PPEF1: variants seen among roughly 807,000 people sequenced by gnomAD.
PPEF1 encodes protein phosphatase with EF-hand domain 1.
PPEF1 carries 12 observed loss-of-function variants against 53.3 expected under a neutral mutation model. That is an observed-to-expected ratio of 0.23 (90% confidence interval 0.14 to 0.36). The LOEUF is 0.36. Among genes scored for constraint, PPEF1 ranks in the 10% least tolerant of loss-of-function variants. The pLI, the probability that PPEF1 is intolerant of heterozygous loss-of-function variation, is 1.00. For synonymous variants in PPEF1, 165 were observed against 176.7 expected, an observed-to-expected ratio of 0.93 and a Z score of 0.52; for missense variants, 334 against 490.4, an observed-to-expected ratio of 0.68 and a Z score of 3.01.
At chrX:18,755,568 C>A (rs760792191) in intron 4 of PPEF1, among the ~76,000 whole-genome samples, 1 of 110,787 alleles carries the variant, frequency 9.0e-6, no homozygotes, top group South Asian at 3.8e-4. Flanking sequence ...CTCCATCCCC[C>A]CCAGCCCCCA....
chrX:18,695,131 A>G (rs1929640675), intron 4 of PPEF1, among the ~76,000 whole-genome samples: 1 of 111,959 alleles, frequency 8.9e-6, no homozygotes, highest in African/African-American at 3.3e-5. Flanking sequence ...TTGACTGGGG[A>G]GGGATCCACT....
rs143661326 is a variant in PPEF1 at position 18,752,567 on chromosome X, G to C, written c.396+2615G>C. On this transcript the variant is annotated intron_variant, in intron 4 of 15. Coordinates refer to ENST00000470157, the MANE Select transcript of PPEF1 (RefSeq NM_001377996.1). ...GTGTGAAAGTAGGCATGTTTATCTT[G>C]TTCCTCATCGTAGGGGGAAAGCTTT... Among the ~76,000 whole-genome samples the C allele has an allele frequency of 6.1e-3, 678 of 111,095 alleles. 8 individuals carry two copies. The highest frequency in any genetic ancestry group is 0.018 in the African/African-American group (560 of 30,647).
At chrX:18,684,761 G>A (rs1443922378) in exon 2 of PPEF1, among the ~76,000 whole-genome samples, 1 of 110,538 alleles carries the variant, frequency 9.0e-6, no homozygotes, top group African/African-American at 3.3e-5. Flanking sequence ...CAAGTAGCTG[G>A]GATTCCAGGT....
chrX:18,744,023 T>G (rs2045266123), intron 3 of PPEF1, among the ~76,000 whole-genome samples: 2 of 110,151 alleles, frequency 1.8e-5, no homozygotes, highest in Admixed American at 1.9e-4. Flanking sequence ...CCCGAGTAGC[T>G]GGGATTACAG....
At chrX:18,773,696 T>G (rs2045912258) in intron 6 of PPEF1, among the ~76,000 whole-genome samples, 1 of 112,164 alleles carries the variant, frequency 8.9e-6, no homozygotes, top group Non-Finnish European at 1.9e-5. Flanking sequence ...CCTTCCCACT[T>G]CTGACATTTC....
At chrX:18,825,939 G>C in intron 15 of PPEF1, 104 bp downstream of exon 15, 1 of 502,636 alleles carries the variant, frequency 2.0e-6, no homozygotes. Context: ...AATTAATATG[G>C]TTTGACACCT....
At chrX:18,706,039 C>T (rs1036578879), upstream of PPEF1, among the ~76,000 whole-genome samples, 2 of 104,729 alleles carry the variant, frequency 1.9e-5, no homozygotes, top group East Asian at 3.1e-4. Flanking sequence ...AGGACAAGGT[C>T]GGAGGATCAC....
chrX:18,827,787 C>T lies in PPEF1; in HGVS notation c.*300C>T, dbSNP rs1199739625. The T allele has an allele frequency of 8.7e-6, 2 of 229,536 alleles. No homozygotes were observed. Among genetic ancestry groups the T allele is most frequent in the Non-Finnish European group, 1.6e-5 (2 of 128,017 alleles). 18.9% of individuals were successfully genotyped at this position (229,536 alleles called of 1,213,427 possible). A position where few individuals can be genotyped will look rare whatever the true frequency, so the allele number is the denominator to read the frequency against. ...GTGCCACCTAACCAGGAGGCCAGAG[C>T]GGTTTGAAAACATCCTGAAAGGAAC... On this transcript the variant is annotated 3_prime_UTR_variant, in exon 16 of 16. Coordinates refer to ENST00000470157, the MANE Select transcript of PPEF1 (RefSeq NM_001377996.1).
At chrX:18,712,775 G>A (rs752169130) in intron 1 of PPEF1, among the ~76,000 whole-genome samples, 29 of 111,885 alleles carry the variant, frequency 2.6e-4, no homozygotes, top group African/African-American at 9.4e-4. Context: ...CTCAGGTTGA[G>A]AAAACACACT....
intron 11 of PPEF1, among the ~76,000 whole-genome samples, chrX:18,804,393 G>A (rs1229198400): frequency 2.8e-5 from 3 of 108,409 alleles, no homozygotes; most frequent in Admixed American, 1.0e-4. Context: ...TGCAACCTCC[G>A]CCTCCCGGGT....
At chrX:18,747,224 G>A (rs996977192) in intron 3 of PPEF1, among the ~76,000 whole-genome samples, 3 of 111,208 alleles carry the variant, frequency 2.7e-5, no homozygotes, top group Non-Finnish European at 3.8e-5. Context: ...ATCTTAGATC[G>A]GAGGAGTGTC....
At chrX:18,756,273 G>A (rs1338278736) in intron 4 of PPEF1, among the ~76,000 whole-genome samples, 2 of 110,116 alleles carry the variant, frequency 1.8e-5, no homozygotes, top group Non-Finnish European at 3.8e-5. Context: ...TCCGCCTCCC[G>A]GGTTCAAGTG....
intron 5 of PPEF1, among the ~76,000 whole-genome samples, chrX:18,761,325 T>C (rs898558779): frequency 2.7e-5 from 3 of 111,504 alleles, no homozygotes; most frequent in African/African-American, 9.8e-5. Flanking sequence ...ACTGAAAAGG[T>C]AATTGAAGCA....
intron 3 of PPEF1, among the ~76,000 whole-genome samples, chrX:18,737,022 T>A (rs1200079221): frequency 8.9e-6 from 1 of 111,891 alleles, no homozygotes; most frequent in East Asian, 2.8e-4. Context: ...TTCTCTCTTT[T>A]CTTCTTTATT....
intron 12 of PPEF1, among the ~76,000 whole-genome samples, chrX:18,812,467 G>A (rs1270782854): frequency 9.0e-6 from 1 of 111,534 alleles, no homozygotes; most frequent in Non-Finnish European, 1.9e-5. Context: ...GGCTATTTTG[G>A]GTCCCTTGCA....
intron 4 of PPEF1, 59 bp from the exon 5 acceptor site, chrX:18,757,568 T>A (rs1231604155): frequency 1.4e-5 from 13 of 906,231 alleles, no homozygotes; most frequent in Non-Finnish European, 2.1e-5. Flanking sequence ...CAGTTTTCTA[T>A]ACAGTCATGT....
At chrX:18,817,393 G>A (rs916302702) in intron 12 of PPEF1, among the ~76,000 whole-genome samples, 1 of 109,782 alleles carries the variant, frequency 9.1e-6, no homozygotes, top group Non-Finnish European at 1.9e-5. Flanking sequence ...CCAGGCTGGA[G>A]TGCAATGGTG....
intron 13 of PPEF1, among the ~76,000 whole-genome samples, chrX:18,820,290 TA>T (rs1431131919): frequency 9.0e-6 from 1 of 111,123 alleles, no homozygotes; most frequent in Non-Finnish European, 1.9e-5. Flanking sequence ...ATTGACAGAA[TA>T]AAAAGTAGAA....
intron 3 of PPEF1, among the ~76,000 whole-genome samples, chrX:18,742,065 T>G (rs2045184268): frequency 9.0e-6 from 1 of 111,163 alleles, no homozygotes; most frequent in Non-Finnish European, 1.9e-5. Flanking sequence ...TCCAAAGTGC[T>G]GGGATTACAC....
Sources: allele counts gnomAD v4.1 joint callset (sites outside exome capture counted in the v4.1 genomes callset), GRCh38; gene constraint gnomAD v4.1.1; transcripts MANE v1.5; gene names NCBI Gene and HGNC (gene_info 2026-07-23, HGNC 2026-07-21).